The following B3GALT5 variants were observed in gnomAD, a reference collection of about 807,000 sequenced individuals.
B3GALT5 encodes beta-1,3-galactosyltransferase 5.
For missense variants in B3GALT5, 328 were observed against 396.6 expected, an observed-to-expected ratio of 0.83 and a Z score of 1.47; for synonymous variants, 156 against 158.6, an observed-to-expected ratio of 0.98 and a Z score of 0.12.
intron 2 of B3GALT5, among the ~76,000 whole-genome samples, chr21:39,652,240 A>G (rs1015357854): frequency 3.9e-5 from 6 of 152,188 alleles, no homozygotes; most frequent in African/African-American, 1.4e-4. Context: ...ACCTTCGACC[A>G]CACTTCCCAC....
intron 1 of B3GALT5, among the ~76,000 whole-genome samples, chr21:39,614,340 G>C (rs2079096421): frequency 1.3e-5 from 2 of 151,980 alleles, no homozygotes; most frequent in African/African-American, 4.8e-5. Flanking sequence ...TTCTTTGTTA[G>C]GTAAATTTAA....
chr21:39,639,228 G>C (rs1343864260), intron 1 of B3GALT5, among the ~76,000 whole-genome samples: 1 of 152,150 alleles, frequency 6.6e-6, no homozygotes, highest in Admixed American at 6.5e-5. Context: ...TGAAAGATAA[G>C]TTGTAACATG....
intron 1 of B3GALT5, among the ~76,000 whole-genome samples, chr21:39,639,510 C>T (rs2079273030): frequency 7.1e-6 from 1 of 141,286 alleles, no homozygotes; most frequent in Non-Finnish European, 1.6e-5. Flanking sequence ...GACAGAGACT[C>T]CCTCTGTCAC....
At chr21:39,658,633 G>GAGAA in intron 2 of B3GALT5, among the ~76,000 whole-genome samples, 1 of 152,220 alleles carries the variant, frequency 6.6e-6, no homozygotes, top group East Asian at 1.9e-4. Flanking sequence ...GAAGGAAGGA[G>GAGAA]AGAAGGAAGG....
intron 1 of B3GALT5, among the ~76,000 whole-genome samples, chr21:39,633,792 A>C (rs1010482408): frequency 6.6e-6 from 1 of 152,200 alleles, no homozygotes; most frequent in African/African-American, 2.4e-5. Flanking sequence ...AATTGCTTTC[A>C]TATATATTTG....
rs1195525551 is a variant in B3GALT5 at position 39,670,303 on chromosome 21, G to A, written c.*8811G>A. On this transcript the variant is annotated 3_prime_UTR_variant, in exon 4 of 4. Coordinates refer to ENST00000684187, the MANE Select transcript of B3GALT5 (RefSeq NM_001356336.2). ...CTAATTAGAGATACCATGCTCAGTG[G>A]AAGCTGGTTCTGAACAATGTTAACT... The A allele has an allele frequency of 1.3e-5, 2 of 152,188 alleles. No individual in the cohort carries two copies. The highest frequency in any genetic ancestry group is 4.8e-5 in the African/African-American group (2 of 41,416). 9.4% of individuals were successfully genotyped at this position (152,188 alleles called of 1,614,324 possible). A position where few individuals can be genotyped will look rare whatever the true frequency, so the allele number is the denominator to read the frequency against.
At chr21:39,628,083 G>A (rs1484253473) in intron 1 of B3GALT5, among the ~76,000 whole-genome samples, 1 of 152,134 alleles carries the variant, frequency 6.6e-6, no homozygotes, top group East Asian at 1.9e-4. Context: ...ATGAGGTCAA[G>A]GGAGAAATTA....
rs1332456660 is a variant in B3GALT5 at position 39,663,903 on chromosome 21, C to T, written c.*2411C>T. 1 of 152,224 alleles carries T rather than the reference C, an allele frequency of 6.6e-6. No homozygotes were observed. Among genetic ancestry groups the T allele is most frequent in the Non-Finnish European group, 1.5e-5 (1 of 68,104 alleles). 9.4% of individuals were successfully genotyped at this position (152,224 alleles called of 1,614,324 possible). ...GAGTGAGGAGGCCAAGCAGTGCTTC[C>T]CCAGGAACACCCAGCGCTAGCTCCA... On this transcript the variant is annotated 3_prime_UTR_variant, in exon 4 of 4. Coordinates refer to ENST00000684187, the MANE Select transcript of B3GALT5 (RefSeq NM_001356336.2).
At chr21:39,638,304 G>C (rs548038320) in intron 1 of B3GALT5, among the ~76,000 whole-genome samples, 2 of 152,300 alleles carry the variant, frequency 1.3e-5, no homozygotes, top group South Asian at 2.1e-4. Context: ...CACACAGGTG[G>C]CGGGACGTCG....
chr21:39,669,543 CA>C lies in B3GALT5; in HGVS notation c.*8052del, dbSNP rs1247540465. ...AAATACACAATGCTGAGAAGATTAT[CA>C]GGGGCACCTGATCCCTTGACAGCTG... On this transcript the variant is annotated 3_prime_UTR_variant, in exon 4 of 4. Coordinates refer to ENST00000684187, the MANE Select transcript of B3GALT5 (RefSeq NM_001356336.2). 1 of 152,114 alleles carries C rather than the reference CA, an allele frequency of 6.6e-6. No individual in the cohort carries two copies. Among genetic ancestry groups the C allele is most frequent in the Non-Finnish European group, 1.5e-5 (1 of 68,028 alleles). The allele number at this position is 152,114 out of a possible 1,614,324, so 9.4% of individuals were successfully genotyped here.
At chr21:39,638,409 C>T (rs948679363) in intron 1 of B3GALT5, among the ~76,000 whole-genome samples, 12 of 152,270 alleles carry the variant, frequency 7.9e-5, no homozygotes, top group African/African-American at 2.4e-4. Flanking sequence ...TGCAGGCCAC[C>T]GACTGGCAGA....
At position 39,668,172 on chromosome 21, in the gene B3GALT5, T is replaced by C. The variant is rs2079595256; in HGVS notation, c.*6680T>C. On this transcript the variant is annotated 3_prime_UTR_variant, in exon 4 of 4. Coordinates refer to ENST00000684187, the MANE Select transcript of B3GALT5 (RefSeq NM_001356336.2). ...ATCCAGAGACCAAGGCTCCATGTTA[T>C]CCCCAGCACCGGGCTGACCCCAAGT... 6.6e-6 allele frequency: 1 copy of C among 152,272 alleles called. No homozygotes were observed. The allele number at this position is 152,272 out of a possible 1,614,324, so 9.4% of individuals were successfully genotyped here.
chr21:39,641,065 TGTG>T (rs2079286172), intron 1 of B3GALT5, among the ~76,000 whole-genome samples: 1 of 152,120 alleles, frequency 6.6e-6, no homozygotes, highest in Admixed American at 6.5e-5. Context: ...TTCCTTTTCT[TGTG>T]GTGTTGAATG....
chr21:39,627,539 C>T (rs143802367), intron 1 of B3GALT5, among the ~76,000 whole-genome samples: 2 of 152,064 alleles, frequency 1.3e-5, no homozygotes, highest in Admixed American at 1.3e-4. Context: ...TGTATTCAGT[C>T]GATCCCCTTT....
In B3GALT5 at chr21:39,667,295, A is replaced by T. The variant is rs1291619407; in HGVS notation, c.*5803A>T. 6.6e-6 allele frequency: 1 copy of T among 152,258 alleles called. No individual in the cohort carries two copies. The highest frequency in any genetic ancestry group is 1.5e-5 in the Non-Finnish European group (1 of 68,044). The allele number at this position is 152,258 out of a possible 1,614,324, so 9.4% of individuals were successfully genotyped here. ...CGGGTGCTGCACCGGTTATCCCAAC[A>T]GGCTGGCACAGAGGGCTGAAATGGA... On this transcript the variant is annotated 3_prime_UTR_variant, in exon 4 of 4. Transcript: ENST00000684187.
chr21:39,637,705 C>T (rs1035708311), intron 1 of B3GALT5, among the ~76,000 whole-genome samples: 5 of 152,184 alleles, frequency 3.3e-5, no homozygotes, highest in African/African-American at 9.7e-5. Flanking sequence ...ACCCACCTGC[C>T]GTGGCTTTTC....
At chr21:39,641,545 A>G (rs2079290459) in intron 1 of B3GALT5, among the ~76,000 whole-genome samples, 1 of 152,186 alleles carries the variant, frequency 6.6e-6, no homozygotes, top group Non-Finnish European at 1.5e-5. Context: ...TAATATCTTC[A>G]TGGTAAATAA....
In B3GALT5 at chr21:39,667,170, C is replaced by T. The variant is rs2079584948; in HGVS notation, c.*5678C>T. 6.6e-6 allele frequency: 1 copy of T among 152,212 alleles called. No homozygotes were observed. Among genetic ancestry groups the T allele is most frequent in the South Asian group, 2.1e-4 (1 of 4,836 alleles). The allele number at this position is 152,212 out of a possible 1,614,324, so 9.4% of individuals were successfully genotyped here. On this transcript the variant is annotated 3_prime_UTR_variant, in exon 4 of 4. Transcript: ENST00000684187. ...TTTTCATTGTTTCATGTGTCATTGC[C>T]TATTTAACGAGCTTCGCAGTGCCCT...
intron 3 of B3GALT5, 123 bp downstream of exon 3, chr21:39,660,035 A>T: frequency 2.1e-6 from 1 of 475,094 alleles, no homozygotes; most frequent in Non-Finnish European, 2.7e-6. Flanking sequence ...AAAGTAACTT[A>T]AAAAAAAATA....
Sources: allele counts gnomAD v4.1 joint callset (sites outside exome capture counted in the v4.1 genomes callset), GRCh38; gene constraint gnomAD v4.1.1; transcripts MANE v1.5; gene names NCBI Gene and HGNC (gene_info 2026-07-23, HGNC 2026-07-21).